Variants in DPP6 observed in about 807,000 individuals in gnomAD.
DPP6 encodes the protein A-type potassium channel modulatory protein DPP6.
In DPP6, 69 loss-of-function variants were observed where a neutral mutation model predicts 122.6. The ratio of observed to expected loss-of-function variants is 0.56; its 90% CI spans 0.46 to 0.69. The LOEUF (loss-of-function observed/expected upper bound fraction) is 0.69. DPP6 is among the 30% of genes least tolerant of loss of function. The probability of loss-of-function intolerance (pLI) is 0.00; values close to 1 mark genes in which losing one functional copy is unlikely to be tolerated. For missense variants in DPP6, 928 were observed against 1,116.9 expected (o/e 0.83, Z 2.41); for synonymous variants, 418 against 433.1 (o/e 0.97, Z 0.43).
chr7:153,788,167 C>T, the DPP6 span, among the ~76,000 whole-genome samples: 1 of 152,132 alleles, frequency 6.6e-6, no homozygotes, highest in Non-Finnish European at 1.5e-5. Flanking sequence ...TGTATTAAAG[C>T]TTGTAGACTG....
At chr7:153,758,797 A>ATTC in the DPP6 span, among the ~76,000 whole-genome samples, 1 of 151,516 alleles carries the variant, frequency 6.6e-6, no homozygotes, top group Non-Finnish European at 1.5e-5. Context: ...TGTTACTTCA[A>ATTC]ATTTTGGGCT....
chr7:154,004,319 G>A (rs1797816095), intron 1 of DPP6, among the ~76,000 whole-genome samples: 1 of 152,220 alleles, frequency 6.6e-6, no homozygotes, highest in South Asian at 2.1e-4. Flanking sequence ...GGAGCCATAG[G>A]GGTGAGGAGG....
chr7:154,406,123 T>C (rs942683536), intron 1 of DPP6, among the ~76,000 whole-genome samples: 1 of 152,168 alleles, frequency 6.6e-6, no homozygotes, highest in Non-Finnish European at 1.5e-5. Context: ...TGGATGCTCA[T>C]GGAGAAGATT....
intron 1 of DPP6, chr7:154,094,063 G>T (rs1028029751): frequency 1.3e-5 from 2 of 152,164 alleles, no homozygotes; most frequent in African/African-American, 4.8e-5. Flanking sequence ...AAAATGATTA[G>T]AAATTATCTA....
chr7:154,645,192 A>T (rs183514672), intron 6 of DPP6, among the ~76,000 whole-genome samples: 2 of 151,260 alleles, frequency 1.3e-5, no homozygotes, highest in East Asian at 3.9e-4. Flanking sequence ...CCTCCGGAGT[A>T]GTAGCTGGGA....
At chr7:154,399,566 T>C (rs1815389813) in intron 1 of DPP6, among the ~76,000 whole-genome samples, 1 of 152,232 alleles carries the variant, frequency 6.6e-6, no homozygotes, top group African/African-American at 2.4e-5. Flanking sequence ...TTTACATCTT[T>C]CTTGTAGTCA....
the DPP6 span, among the ~76,000 whole-genome samples, chr7:153,782,197 C>G: frequency 6.6e-6 from 1 of 151,852 alleles, no homozygotes; most frequent in Non-Finnish European, 1.5e-5. Flanking sequence ...CCTAATCACA[C>G]CAAAGGGATC....
chr7:154,395,305 A>G (rs1814983975), intron 1 of DPP6, among the ~76,000 whole-genome samples: 1 of 152,100 alleles, frequency 6.6e-6, no homozygotes, highest in African/African-American at 2.4e-5. Flanking sequence ...TCAACATACA[A>G]ATTTTGGGGG....
chr7:154,397,430 A>C (rs946756131), intron 1 of DPP6, among the ~76,000 whole-genome samples: 6 of 152,216 alleles, frequency 3.9e-5, no homozygotes, highest in African/African-American at 1.4e-4. Flanking sequence ...GAAACGAGAG[A>C]GTATTCTAGA....
chr7:154,845,173 C>T (rs7809433), intron 16 of DPP6, among the ~76,000 whole-genome samples: 4,086 of 152,258 alleles, frequency 0.027, 188 homozygotes, highest in African/African-American at 0.093. Flanking sequence ...TTTTATACAA[C>T]GCTGAGTCCA....
rs183224128 is a variant in DPP6, at chr7:154,386,411, G to T, written c.244-59803G>T. ...AGGAGGAGACTGAACTTGGAGAGAT[G>T]CTTGAAGGGAAAGGATTTGGGGGGT... is the stretch of plus-strand genomic sequence containing the variant. On this transcript the variant is annotated intron_variant, in intron 1 of 25. Coordinates refer to ENST00000377770, the MANE Select transcript of DPP6 (RefSeq NM_130797.4). Among the ~76,000 whole-genome samples the T allele has an allele frequency of 5.9e-5, 9 of 152,110 alleles. No homozygotes were observed. In the East Asian group the frequency reaches 1.4e-3, roughly 23 times the overall value.
At chr7:154,148,816 A>T (rs1324043653) in intron 1 of DPP6, among the ~76,000 whole-genome samples, 1 of 152,212 alleles carries the variant, frequency 6.6e-6, no homozygotes, top group Non-Finnish European at 1.5e-5. Flanking sequence ...GCCTGCTGAG[A>T]ATGCCCTGTG....
chr7:154,849,339 G>A (rs539316026), intron 16 of DPP6, among the ~76,000 whole-genome samples: 110 of 152,116 alleles, frequency 7.2e-4, no homozygotes, highest in African/African-American at 2.5e-3. Context: ...TATTTGTGTC[G>A]TCTCCAATTT....
At chr7:154,327,855 T>G (rs1808584999) in intron 1 of DPP6, among the ~76,000 whole-genome samples, 2 of 152,236 alleles carry the variant, frequency 1.3e-5, no homozygotes, top group Non-Finnish European at 2.9e-5. Flanking sequence ...ATAAGCCCTG[T>G]GATCATTTGC....
At chr7:153,788,042 T>C in the DPP6 span, among the ~76,000 whole-genome samples, 14 of 152,276 alleles carry the variant, frequency 9.2e-5, no homozygotes, top group African/African-American at 3.1e-4. Flanking sequence ...CATCAGATTT[T>C]CTTTTATAAA....
intron 1 of DPP6, among the ~76,000 whole-genome samples, chr7:153,910,297 T>C (rs1350044269): frequency 6.7e-6 from 1 of 149,518 alleles, no homozygotes; most frequent in African/African-American, 2.5e-5. Flanking sequence ...TGGTGCAATC[T>C]CGGCTCACTG....
chr7:154,388,556 A>C (rs962956089), intron 1 of DPP6, among the ~76,000 whole-genome samples: 1 of 152,092 alleles, frequency 6.6e-6, no homozygotes, highest in Non-Finnish European at 1.5e-5. Flanking sequence ...CATTTTGCAA[A>C]GGAGAGAGTA....
chr7:154,881,007 G>T (rs3817519), intron 21 of DPP6, 65 bp downstream of exon 21: 10 of 1,563,454 alleles, frequency 6.4e-6, no homozygotes, highest in African/African-American at 1.4e-5. Context: ...CATTACCCAC[G>T]TCTAATCCTG....
chr7:154,582,710 C>T (rs901277022), intron 5 of DPP6, among the ~76,000 whole-genome samples: 1 of 152,198 alleles, frequency 6.6e-6, no homozygotes, highest in African/African-American at 2.4e-5. Context: ...CTCTCTCTCT[C>T]AACCCATACC....
Sources: allele counts gnomAD v4.1 joint callset (sites outside exome capture counted in the v4.1 genomes callset), GRCh38; gene constraint gnomAD v4.1.1; transcripts MANE v1.5; gene names NCBI Gene and HGNC (gene_info 2026-07-23, HGNC 2026-07-21).